The following ZNF354C variants were observed in gnomAD, a reference collection of about 807,000 sequenced individuals.
ZNF354C encodes the protein zinc finger protein 354C.
Under a neutral mutation model 12.4 loss-of-function variants are expected in ZNF354C, and 7 were observed. That is an observed-to-expected ratio of 0.56 (90% CI 0.32 to 1.06). The LOEUF (loss-of-function observed/expected upper bound fraction) is 1.06. Ranked by LOEUF, ZNF354C falls within the 50% of genes least tolerant of loss-of-function variation. The pLI, the probability that ZNF354C is intolerant of heterozygous loss-of-function variation, is 0.04. For synonymous variants in ZNF354C, 202 were observed against 224.5 expected (o/e 0.90, Z 0.90); for missense variants, 609 against 658.0 (o/e 0.93, Z 0.81).
Position 179,080,746 on chromosome 5 carries a change from A to G in ZNF354C, c.*649A>G, listed in dbSNP as rs1762216262. On this transcript the variant is annotated 3_prime_UTR_variant, in exon 5 of 5. Transcript: ENST00000315475. ...TTCTTAAAATCTTGCCCAAAGGTAG[A>G]CTCTCTTTCTTTTACTTTCTTCCAT... The G allele has an allele frequency of 2.5e-5, 1 of 39,766 alleles. No individual in the cohort carries two copies. The highest frequency in any genetic ancestry group is 4.3e-5 in the Non-Finnish European group (1 of 23,342). The allele number at this position is 39,766 out of a possible 1,614,324, so 2.5% of individuals were successfully genotyped here.
intron 2 of ZNF354C, among the ~76,000 whole-genome samples, chr5:179,064,509 C>T (rs1031960020): frequency 3.3e-5 from 5 of 151,940 alleles, no homozygotes; most frequent in South Asian, 2.1e-4. Context: ...CTCCGCCTCC[C>T]GGGTTCACGC....
At chr5:179,077,231 A>G (rs1762136874) in intron 4 of ZNF354C, 65 bp downstream of exon 4, 4 of 1,319,256 alleles carry the variant, frequency 3.0e-6, no homozygotes, top group Non-Finnish European at 4.4e-6. Context: ...ACAAAGAGGC[A>G]GTTCTTGGGA....
intron 2 of ZNF354C, among the ~76,000 whole-genome samples, chr5:179,064,541 C>T (rs180802457): frequency 0.021 from 3,181 of 151,910 alleles, 70 homozygotes; most frequent in South Asian, 0.062. Context: ...CTCAGCCTCC[C>T]GAGTAGCTGG....
In ZNF354C at chr5:179,079,333, C is replaced by T. The variant is rs754826681; in HGVS notation, c.901C>T (p.Arg301Ter). The change falls in exon 5 of 5, where the codon CGA (arginine) becomes TGA (stop). Residue 301 changes from arginine to a stop codon, truncating the protein, a stop_gained. Transcript: ENST00000315475. LOFTEE classifies it low-confidence loss of function (END_TRUNC). This position sits in a 1 kb window ranked among gnomAD's most constrained non-coding sequence, Gnocchi z 4.2. Reference protein sequence around the residue: ...LRVHTGEKPYRCRECGKAFSQ... With the variant: ...LRVHTGEKPY Reference sequence around the variant, plus strand: ...AGTGCATACTGGAGAGAAACCGTATCGATGTAGGGAATGTGGTAAAGCCTT... The same window carrying T: ...AGTGCATACTGGAGAGAAACCGTATTGATGTAGGGAATGTGGTAAAGCCTT... The T allele has an allele frequency of 5.6e-6, 9 of 1,614,020 alleles. No individual in the cohort carries two copies. Among genetic ancestry groups the T allele is most frequent in the Middle Eastern group, 3.3e-4 (2 of 6,060 alleles).
rs542948136 is a variant in ZNF354C, at chr5:179,076,033, CAG to C, written c.28-411_28-410del. On this transcript the variant is annotated intron_variant, in intron 2 of 4. Coordinates refer to ENST00000315475, the MANE Select transcript of ZNF354C (RefSeq NM_014594.3). ...CAGGGCTGGGTCCTTCTAGGGCTCT[CAG>C]GGGAAAATCTGTTTCCTTGCCCTTT... Among the ~76,000 whole-genome samples, 350 of 152,330 alleles carry C rather than the reference CAG, an allele frequency of 2.3e-3. 1 individual carries two copies. The highest frequency in any genetic ancestry group is 7.6e-3 in the African/African-American group (316 of 41,580).
intron 2 of ZNF354C, among the ~76,000 whole-genome samples, chr5:179,063,203 C>A (rs1761916882): frequency 6.6e-6 from 1 of 152,214 alleles, no homozygotes; most frequent in African/African-American, 2.4e-5. Context: ...TCTCTGTACC[C>A]CATTTCCTCA....
Position 179,079,995 on chromosome 5 carries a change from G to A in ZNF354C, c.1563G>A (p.Glu521=). Residue 521 remains glutamate, a synonymous_variant, in exon 5 of 5, where the codon GAG becomes GAA. Transcript: ENST00000315475. This position sits in a 1 kb window ranked among gnomAD's most constrained non-coding sequence, Gnocchi z 4.2. ...LCRHKKVHTK[E]KLYKWKEYGK... is the part of the protein sequence containing the mutation. ...GACACAAAAAAGTTCACACGAAAGA[G>A]AAACTCTATAAGTGGAAGGAATATG... 1 of 1,613,956 alleles carries A rather than the reference G, an allele frequency of 6.2e-7. No homozygotes were observed. The highest frequency in any genetic ancestry group is 8.5e-7 in the Non-Finnish European group (1 of 1,179,930).
intron 2 of ZNF354C, among the ~76,000 whole-genome samples, chr5:179,072,265 G>T (rs1762062229): frequency 6.6e-6 from 1 of 150,908 alleles, no homozygotes; most frequent in Non-Finnish European, 1.5e-5. Flanking sequence ...TGAAGTTTTA[G>T]AACTGAAAAA....
intron 2 of ZNF354C, among the ~76,000 whole-genome samples, chr5:179,062,990 G>A (rs1001078329): frequency 3.3e-5 from 5 of 152,114 alleles, no homozygotes; most frequent in Admixed American, 6.5e-5. Context: ...TCATTCCGAC[G>A]TGGAAGTCCC....
intron 2 of ZNF354C, among the ~76,000 whole-genome samples, chr5:179,074,738 G>A (rs549424534): frequency 7.2e-5 from 11 of 152,188 alleles, no homozygotes; most frequent in Admixed American, 2.0e-4. Context: ...ACATGAATAC[G>A]CTCAGTGAAG....
In ZNF354C at chr5:179,081,450, A is replaced by G. The variant is rs970469614; in HGVS notation, c.*1353A>G. On this transcript the variant is annotated 3_prime_UTR_variant, in exon 5 of 5. Transcript: ENST00000315475. The stretch of plus-strand genomic sequence containing the variant: ...TCCCAGGCGTTTTTCCTCCAATTTT[A>G]TATTTGATTTTTCATTCAATTCACA... 2 of 152,064 alleles carry G rather than the reference A, an allele frequency of 1.3e-5. No individual in the cohort carries two copies. The highest frequency in any genetic ancestry group is 2.9e-5 in the Non-Finnish European group (2 of 67,994). The allele number at this position is 152,064 out of a possible 1,614,324, so 9.4% of individuals were successfully genotyped here. A position where few individuals can be genotyped will look rare whatever the true frequency, so the allele number is the denominator to read the frequency against.
At chr5:179,078,526 T>G (rs1762162061) in intron 4 of ZNF354C, among the ~76,000 whole-genome samples, 157 bp from the exon 5 acceptor site, 1 of 152,196 alleles carries the variant, frequency 6.6e-6, no homozygotes, top group Admixed American at 6.5e-5. Context: ...TCACTTTCCT[T>G]TATCCCATCC....
intron 2 of ZNF354C, 26 bp from the exon 3 acceptor site, chr5:179,076,419 G>T: frequency 6.2e-7 from 1 of 1,614,082 alleles, no homozygotes; most frequent in Non-Finnish European, 8.5e-7. Context: ...GGTCCTGGGT[G>T]AGCAGGTATG....
Position 179,080,652 on chromosome 5 carries a change from G to A in ZNF354C, c.*555G>A, listed in dbSNP as rs1200795414. On this transcript the variant is annotated 3_prime_UTR_variant, in exon 5 of 5. Coordinates refer to ENST00000315475, the MANE Select transcript of ZNF354C (RefSeq NM_014594.3). Reference sequence around the variant, plus strand: ...TGTAAACATACATATATACACATATGCATGTGTGTGTGTAAACATAAAAGT... The same window carrying A: ...TGTAAACATACATATATACACATATACATGTGTGTGTGTAAACATAAAAGT... 6.6e-6 allele frequency: 1 copy of A among 152,128 alleles called. No individual in the cohort carries two copies. The highest frequency in any genetic ancestry group is 1.9e-4 in the East Asian group (1 of 5,202). 9.4% of individuals were successfully genotyped at this position (152,128 alleles called of 1,614,324 possible). A position where few individuals can be genotyped will look rare whatever the true frequency, so the allele number is the denominator to read the frequency against.
chr5:179,063,615 A>G (rs1406618130), intron 2 of ZNF354C, among the ~76,000 whole-genome samples: 2 of 152,244 alleles, frequency 1.3e-5, no homozygotes, highest in African/African-American at 2.4e-5. Context: ...GCCAGGTTCT[A>G]TGTATTACTA....
At position 179,082,916 on chromosome 5, in the gene ZNF354C, C is replaced by T. The variant is rs1302724241; in HGVS notation, c.*2819C>T. 4 of 958,404 alleles carry T rather than the reference C, an allele frequency of 4.2e-6. No homozygotes were observed. In the African/African-American group the frequency reaches 6.4e-5, roughly 15 times the overall value. 59.4% of individuals were successfully genotyped at this position (958,404 alleles called of 1,614,324 possible). ...TGCGCTGATGAAGAATCACGGAGAA[C>T]TCCACCTCATCTCCTGCCTGGAGCT... is the stretch of plus-strand genomic sequence containing the variant. On this transcript the variant is annotated 3_prime_UTR_variant, in exon 5 of 5. Transcript: ENST00000315475.
intron 2 of ZNF354C, among the ~76,000 whole-genome samples, chr5:179,075,100 T>C (rs1000869686): frequency 2.2e-4 from 33 of 151,374 alleles, no homozygotes; most frequent in Non-Finnish European, 4.6e-4. Context: ...TCTACAAATA[T>C]ACAAAAAAAT....
chr5:179,082,608 G>A lies in ZNF354C; in HGVS notation c.*2511G>A. The stretch of plus-strand genomic sequence containing the variant: ...GGAGGGATGAAGAGGGAGATATTCA[G>A]AAACCTTCACCAGATTCCTCCCAAC... On this transcript the variant is annotated 3_prime_UTR_variant, in exon 5 of 5. Transcript: ENST00000315475. The A allele has an allele frequency of 8.0e-7, 1 of 1,242,498 alleles. No homozygotes were observed. The highest frequency in any genetic ancestry group is 1.2e-6 in the Non-Finnish European group (1 of 844,970). The allele number at this position is 1,242,498 out of a possible 1,614,324, so 77.0% of individuals were successfully genotyped here.
At position 179,082,696 on chromosome 5, in the gene ZNF354C, G is replaced by A. The variant is rs779369822; in HGVS notation, c.*2599G>A. Reference sequence around the variant, plus strand: ...GGTTAGTCAATGACACCAGCTTGACGGATCTTTCTTTCTGCACCAAACCCC... The same window carrying A: ...GGTTAGTCAATGACACCAGCTTGACAGATCTTTCTTTCTGCACCAAACCCC... On this transcript the variant is annotated 3_prime_UTR_variant, in exon 5 of 5. Transcript: ENST00000315475. 1.3e-5 allele frequency: 20 copies of A among 1,592,050 alleles called. No homozygotes were observed. Among genetic ancestry groups the A allele is most frequent in the East Asian group, 2.2e-5 (1 of 44,674 alleles).
Sources: gnomAD v4.1 joint callset for allele counts (sites outside exome capture counted in the v4.1 genomes callset) on GRCh38, gnomAD v4.1.1 for gene constraint, Gnocchi (gnomAD v3.1) non-coding constraint, MANE v1.5 for transcripts, NCBI Gene and HGNC (gene_info 2026-07-23, HGNC 2026-07-21) for gene names.